Variants in ATXN1 observed in about 807,000 individuals in gnomAD.
ATXN1 encodes ataxin 1.
A neutral mutation model predicts 56.4 loss-of-function variants in ATXN1; 8 were observed. The ratio of observed to expected loss-of-function variants is 0.14; its 90% CI spans 0.08 to 0.26. The LOEUF (loss-of-function observed/expected upper bound fraction) is 0.26. ATXN1 is among the 10% of genes least tolerant of loss of function. The pLI is 1.00. For synonymous variants in ATXN1, 514 were observed against 494.6 expected (o/e 1.04, Z -0.52); for missense variants, 987 against 1,106.5 (o/e 0.89, Z 1.53).
chr6:16,383,733 G>A (rs565514806), intron 6 of ATXN1, among the ~76,000 whole-genome samples: 2 of 152,308 alleles, frequency 1.3e-5, no homozygotes, highest in African/African-American at 2.4e-5. Flanking sequence ...ATGGAGGAAC[G>A]AGGACATTAC....
At chr6:16,436,637 C>G (rs1353775995) in intron 6 of ATXN1, among the ~76,000 whole-genome samples, 1 of 151,584 alleles carries the variant, frequency 6.6e-6, no homozygotes, top group Non-Finnish European at 1.5e-5. Context: ...CTGGGGTGGG[C>G]TCCTGTGTGG....
intron 2 of ATXN1, among the ~76,000 whole-genome samples, chr6:16,730,393 T>G (rs934114038): frequency 6.6e-6 from 1 of 150,964 alleles, no homozygotes; most frequent in Non-Finnish European, 1.5e-5. Context: ...CAATTTAAAT[T>G]CAAGATTATC....
At chr6:16,511,642 G>A (rs761495797) in intron 5 of ATXN1, among the ~76,000 whole-genome samples, 1 of 152,122 alleles carries the variant, frequency 6.6e-6, no homozygotes, top group African/African-American at 2.4e-5. Context: ...CTAGCACTTT[G>A]GGAAGCCAAA....
chr6:16,420,001 T>C (rs1188163421), intron 6 of ATXN1, among the ~76,000 whole-genome samples: 3 of 152,168 alleles, frequency 2.0e-5, no homozygotes, highest in Non-Finnish European at 2.9e-5. Context: ...ATACAAAGAC[T>C]GGGGATGGGG....
intron 2 of ATXN1, among the ~76,000 whole-genome samples, chr6:16,748,651 G>A (rs764862972): frequency 2.0e-5 from 3 of 152,194 alleles, no homozygotes; most frequent in Non-Finnish European, 4.4e-5. Context: ...AGAGGGCCTT[G>A]TTGGCATAAT....
At chr6:16,347,166 C>T (rs1761429373) in intron 6 of ATXN1, among the ~76,000 whole-genome samples, 1 of 152,222 alleles carries the variant, frequency 6.6e-6, no homozygotes, top group South Asian at 2.1e-4. Flanking sequence ...CCCCGACGAG[C>T]GCCGCCCCCT....
intron 2 of ATXN1, among the ~76,000 whole-genome samples, chr6:16,675,835 G>C (rs1297362158): frequency 1.3e-5 from 2 of 152,122 alleles, no homozygotes; most frequent in African/African-American, 4.8e-5. Flanking sequence ...GCTGCAGTGA[G>C]CCAAGATTGC....
At chr6:16,600,408 C>T (rs557866975) in intron 3 of ATXN1, among the ~76,000 whole-genome samples, 4 of 152,212 alleles carry the variant, frequency 2.6e-5, no homozygotes, top group East Asian at 3.9e-4. Flanking sequence ...AAAATTTCTC[C>T]GTGATATTAG....
chr6:16,747,976 C>T (rs1760589616), intron 2 of ATXN1, among the ~76,000 whole-genome samples: 1 of 152,172 alleles, frequency 6.6e-6, no homozygotes, highest in Admixed American at 6.5e-5. Context: ...ACAAATAGTT[C>T]ATATCTGCCA....
intron 6 of ATXN1, among the ~76,000 whole-genome samples, chr6:16,418,122 G>C (rs879223103): frequency 1.3e-5 from 2 of 152,164 alleles, no homozygotes; most frequent in East Asian, 3.9e-4. Flanking sequence ...GTAGAGCTAC[G>C]AAAAGATATT....
intron 4 of ATXN1, among the ~76,000 whole-genome samples, chr6:16,578,500 G>T (rs889014107): frequency 6.6e-6 from 1 of 152,116 alleles, no homozygotes; most frequent in Non-Finnish European, 1.5e-5. Flanking sequence ...CTCTGTCACT[G>T]TTATTCCCAA....
chr6:16,316,283 A>C (rs1405327458), intron 7 of ATXN1, among the ~76,000 whole-genome samples: 3 of 152,134 alleles, frequency 2.0e-5, no homozygotes, highest in Admixed American at 2.0e-4. Flanking sequence ...CCTGCCAAAA[A>C]ATCTTCTTCC....
At chr6:16,467,181 T>TAA (rs1760125575) in intron 6 of ATXN1, among the ~76,000 whole-genome samples, 1 of 152,248 alleles carries the variant, frequency 6.6e-6, no homozygotes, top group Non-Finnish European at 1.5e-5. Context: ...CCAGCACTTG[T>TAA]TTTCTTGACT....
chr6:16,596,627 A>G (rs1762820666), intron 3 of ATXN1, among the ~76,000 whole-genome samples: 1 of 152,186 alleles, frequency 6.6e-6, no homozygotes, highest in Non-Finnish European at 1.5e-5. Context: ...ACTGTACTTC[A>G]TTGTAAGTCC....
At chr6:16,697,255 G>A (rs1366519290) in intron 2 of ATXN1, among the ~76,000 whole-genome samples, 1 of 152,090 alleles carries the variant, frequency 6.6e-6, no homozygotes, top group African/African-American at 2.4e-5. Context: ...CAAGTATTAA[G>A]GACACAAAAA....
intron 6 of ATXN1, among the ~76,000 whole-genome samples, chr6:16,355,077 C>CT (rs1761657469): frequency 6.6e-6 from 1 of 152,188 alleles, no homozygotes; most frequent in African/African-American, 2.4e-5. Context: ...ACGAAGTCCT[C>CT]TATTATGTAT....
chr6:16,747,878 C>T (rs1760586588), intron 2 of ATXN1, among the ~76,000 whole-genome samples: 1 of 152,146 alleles, frequency 6.6e-6, no homozygotes, highest in African/African-American at 2.4e-5. Flanking sequence ...TTATGGCCAC[C>T]CTGACTAAAG....
chr6:16,589,288 C>A (rs1195610301), intron 3 of ATXN1, among the ~76,000 whole-genome samples: 2 of 152,058 alleles, frequency 1.3e-5, no homozygotes, highest in Admixed American at 6.6e-5. Flanking sequence ...ACCTAAGTCC[C>A]TTAAAGGCAA....
intron 3 of ATXN1, among the ~76,000 whole-genome samples, chr6:16,645,215 C>T (rs138241563): frequency 1.0e-3 from 156 of 152,320 alleles, no homozygotes; most frequent in African/African-American, 3.7e-3. Context: ...TAGGTACTCA[C>T]GCCCAAACTG....
Sources: gnomAD v4.1 joint callset for allele counts (sites outside exome capture counted in the v4.1 genomes callset) on GRCh38, gnomAD v4.1.1 for gene constraint, MANE v1.5 for transcripts, NCBI Gene and HGNC (gene_info 2026-07-23, HGNC 2026-07-21) for gene names.